NAGA: variants seen among roughly 807,000 people sequenced by gnomAD.
The protein encoded by NAGA is Acetylgalactosaminidase, alpha-N- (alpha-galactosidase B).
A neutral mutation model predicts 45.6 loss-of-function variants in NAGA; 42 were observed. That is an observed-to-expected ratio of 0.92 (90% CI 0.72 to 1.19). NAGA has a LOEUF of 1.19. Among genes scored for constraint, NAGA ranks in the 50% most tolerant of loss-of-function variants. The pLI, the probability that NAGA is intolerant of heterozygous loss-of-function variation, is 0.00. For synonymous variants in NAGA, 176 were observed against 203.1 expected (o/e 0.87, Z 1.13); for missense variants, 493 against 544.8 (o/e 0.90, Z 0.95).
chr22:42,067,423 C>A, intron 3 of NAGA, 133 bp from the exon 4 acceptor site: 1 of 1,155,316 alleles, frequency 8.7e-7, no homozygotes, highest in South Asian at 1.3e-5. Context: ...CATGCTGGCC[C>A]GGCCTCTGCC....
rs1275141850 is a variant in NAGA at position 42,063,005 on chromosome 22, C to G, written c.779G>C (p.Gly260Ala). The change falls in exon 7 of 9, where the codon GGT (glycine) becomes GCT (alanine). Residue 260 changes from glycine (G) to alanine (A), a missense_variant. By Grantham distance (60) the Gly-to-Ala change is moderately conservative. Coordinates refer to ENST00000396398, the MANE Select transcript of NAGA (RefSeq NM_000262.3). The stretch of plus-strand genomic sequence containing the variant: ...GGCCCGGGATTGCTCTAAGCTGAGA[C>G]CAAAGTTCCCAATGAGCAGCTGGGG... ...DPDMLLIGNFGLSLEQSRAQM... is the reference protein window; with the variant it reads ...DPDMLLIGNFALSLEQSRAQM... The G allele has an allele frequency of 1.2e-6, 2 of 1,614,188 alleles. No individual in the cohort carries two copies. The highest frequency in any genetic ancestry group is 1.7e-6 in the Non-Finnish European group (2 of 1,180,046).
chr22:42,062,794 GCCCTC>G lies in NAGA; in HGVS notation c.957+28_957+32del, dbSNP rs1312201524. ...TCTCTCAGGAGAACCCAGTTCCTCA[GCCCTC>G]CCCTTCCTTCCCTCCACACCCTAGT... On this transcript the variant is annotated intron_variant, in intron 7 of 8. Coordinates refer to ENST00000396398, the MANE Select transcript of NAGA (RefSeq NM_000262.3). 6 of 1,607,734 alleles carry G rather than the reference GCCCTC, an allele frequency of 3.7e-6. No homozygotes were observed. The Admixed American group carries it at 1.0e-4, about 27-fold the overall frequency.
chr22:42,060,498 G>T lies in NAGA; in HGVS notation c.1102-85C>A, dbSNP rs767283567. The T allele has an allele frequency of 4.4e-4, 694 of 1,589,002 alleles. 2 individuals are homozygous for T. The highest frequency in any genetic ancestry group is 5.1e-4 in the South Asian group (46 of 90,418). Reference sequence around the variant, plus strand: ...CCGCTAGAGGATGTAGAAGCCTTCTGCCTGGACTTTGGCCTGTCTGTGCTG... The same window carrying T: ...CCGCTAGAGGATGTAGAAGCCTTCTTCCTGGACTTTGGCCTGTCTGTGCTG... On this transcript the variant is annotated intron_variant, in intron 8 of 8. Transcript: ENST00000396398.
Position 42,065,916 on chromosome 22 carries a change from A to G in NAGA, c.598-17T>C, listed in dbSNP as rs1292075965. On this transcript the variant is annotated splice_polypyrimidine_tract_variant and intron_variant, in intron 5 of 8. Transcript: ENST00000396398. ...GTAGTTCACCTGGATGTCGAGGGGA[A>G]GGCAGAGTCCAGCACCAGAATCACA... The G allele has an allele frequency of 2.5e-6, 4 of 1,613,200 alleles. No homozygotes were observed. Among genetic ancestry groups the G allele is most frequent in the Non-Finnish European group, 1.7e-6 (2 of 1,179,576 alleles).
chr22:42,063,115 A>G (rs988863127), intron 6 of NAGA, 91 bp from the exon 7 acceptor site: 22 of 1,245,948 alleles, frequency 1.8e-5, no homozygotes, highest in Middle Eastern at 5.2e-4. Context: ...AGGAAGAGCA[A>G]TTAGGGATTA....
At chr22:42,068,834 A>AACTAACACCTGGAATTAGCAAC (rs1926896113) in intron 1 of NAGA, among the ~76,000 whole-genome samples, 1 of 152,076 alleles carries the variant, frequency 6.6e-6, no homozygotes, top group African/African-American at 2.4e-5. Context: ...GAATTAGCAA[A>AACTAACACCTGGAATTAGCAAC]ACTAACACCT....
chr22:42,061,228 C>T (rs555643030), intron 7 of NAGA, among the ~76,000 whole-genome samples, 161 bp from the exon 8 acceptor site: 2 of 152,322 alleles, frequency 1.3e-5, no homozygotes, highest in African/African-American at 4.8e-5. Flanking sequence ...GCTTATCTAA[C>T]CCTATCTGCC....
chr22:42,070,612 G>A lies in NAGA; in HGVS notation c.-315C>T. On this transcript the variant is annotated 5_prime_UTR_variant, in exon 1 of 9. Transcript: ENST00000396398. ...CTACGGGCCGCCTTCGGCCCCGCCC[G>A]GGCTCAGAAAAAGGCAGCCACTGGC... 5.8e-6 allele frequency: 3 copies of A among 516,570 alleles called. No individual in the cohort carries two copies. Among genetic ancestry groups the A allele is most frequent in the South Asian group, 4.2e-5 (2 of 47,526 alleles). 32.0% of individuals were successfully genotyped at this position (516,570 alleles called of 1,614,324 possible).
chr22:42,060,421 GGGGA>G lies in NAGA; in HGVS notation c.1102-12_1102-9del. On this transcript the variant is annotated splice_polypyrimidine_tract_variant and intron_variant, in intron 8 of 8. Coordinates refer to ENST00000396398, the MANE Select transcript of NAGA (RefSeq NM_000262.3). ...TGAGTAGACGTCCTGGGCCTGCAGT[GGGGA>G]GGGACATCACCAATGCCACCATGAG... 6.2e-7 allele frequency: 1 copy of G among 1,612,590 alleles called. No individual in the cohort carries two copies. The highest frequency in any genetic ancestry group is 8.5e-7 in the Non-Finnish European group (1 of 1,180,004).
At chr22:42,066,896 A>G in intron 4 of NAGA, 92 bp from the exon 5 acceptor site, 1 of 1,446,372 alleles carries the variant, frequency 6.9e-7, no homozygotes, top group Non-Finnish European at 9.6e-7. Flanking sequence ...ATGTGAAGAA[A>G]CAAGCTCCAA....
intron 1 of NAGA, 58 bp downstream of exon 1, chr22:42,070,224 A>G: frequency 6.3e-7 from 1 of 1,595,936 alleles, no homozygotes; most frequent in Non-Finnish European, 8.6e-7. Flanking sequence ...GAAGGGCCAA[A>G]GCACTCCTTG....
chr22:42,068,430 C>T lies in NAGA; in HGVS notation c.152+9G>A, dbSNP rs556655694. 6.2e-7 allele frequency: 1 copy of T among 1,614,138 alleles called. No homozygotes were observed. The highest frequency in any genetic ancestry group is 1.3e-5 in the African/African-American group (1 of 75,014). On this transcript the variant is annotated intron_variant, in intron 2 of 8. Coordinates refer to ENST00000396398, the MANE Select transcript of NAGA (RefSeq NM_000262.3). ...CAAGGCTCATCAGGTGAGTGTGGACCTTACTCACCTTATGCAGTTCTTTGG... is the reference window on the plus strand; with the variant it reads ...CAAGGCTCATCAGGTGAGTGTGGACTTTACTCACCTTATGCAGTTCTTTGG...
chr22:42,070,579 C>T lies in NAGA; in HGVS notation c.-282G>A, dbSNP rs569011558. On this transcript the variant is annotated 5_prime_UTR_variant, in exon 1 of 9. Coordinates refer to ENST00000396398, the MANE Select transcript of NAGA (RefSeq NM_000262.3). ...CACACCCTCTGCAGTGCTGGGAGTC[C>T]CGAGGGCCTACGGGCCGCCTTCGGC... The T allele has an allele frequency of 2.8e-5, 16 of 565,840 alleles. No individual in the cohort carries two copies. The South Asian group carries it at 3.0e-4, about 11-fold the overall frequency. The allele number at this position is 565,840 out of a possible 1,614,324, so 35.1% of individuals were successfully genotyped here.
At chr22:42,063,083 A>T in intron 6 of NAGA, 59 bp from the exon 7 acceptor site, 2 of 1,532,356 alleles carry the variant, frequency 1.3e-6, no homozygotes, top group Non-Finnish European at 1.8e-6. Flanking sequence ...AGACACAGGG[A>T]CCATCCCCAA....
intron 8 of NAGA, among the ~76,000 whole-genome samples, 196 bp from the exon 9 acceptor site, chr22:42,060,609 C>T (rs1221698250): frequency 3.3e-5 from 5 of 152,186 alleles, no homozygotes; most frequent in Non-Finnish European, 7.4e-5. Context: ...CAAGCACGGG[C>T]AGTGGAGAAA....
chr22:42,065,227 C>A (rs1469932406), intron 6 of NAGA, among the ~76,000 whole-genome samples: 1 of 152,130 alleles, frequency 6.6e-6, no homozygotes. Flanking sequence ...TGTTGACTAA[C>A]AGATAACTAT....
intron 6 of NAGA, among the ~76,000 whole-genome samples, chr22:42,064,571 G>A (rs1301342570): frequency 6.6e-6 from 1 of 151,798 alleles, no homozygotes; most frequent in Admixed American, 6.6e-5. Context: ...CTTGAACCTG[G>A]GAGGTGGAGG....
chr22:42,069,441 C>G (rs781332897), intron 1 of NAGA, among the ~76,000 whole-genome samples: 10 of 151,742 alleles, frequency 6.6e-5, no homozygotes, highest in Admixed American at 1.3e-4. Context: ...ATGGTGAAAC[C>G]CTGTCTCTAC....
intron 7 of NAGA, among the ~76,000 whole-genome samples, chr22:42,062,410 G>A (rs1203370608): frequency 1.3e-5 from 2 of 152,160 alleles, no homozygotes; most frequent in African/African-American, 2.4e-5. Context: ...AGATTGCAGT[G>A]AGTCGAAATT....
Sources: allele counts gnomAD v4.1 joint callset (sites outside exome capture counted in the v4.1 genomes callset), GRCh38; gene constraint gnomAD v4.1.1; transcripts MANE v1.5; gene names NCBI Gene and HGNC (gene_info 2026-07-23, HGNC 2026-07-21).